SORT1: variants seen among roughly 807,000 people sequenced by gnomAD.
The protein encoded by SORT1 is sortilin 1.
SORT1 carries 39 observed loss-of-function variants against 101.7 expected under a neutral mutation model. The ratio of observed to expected loss-of-function variants is 0.38; its 90% CI spans 0.30 to 0.50. SORT1 has a LOEUF of 0.50. Among genes scored for constraint, SORT1 ranks in the 20% least tolerant of loss-of-function variants. SORT1 has a pLI of 0.90. For synonymous variants in SORT1, 396 were observed against 393.7 expected (o/e 1.01, Z -0.07); for missense variants, 878 against 1,040.4 (o/e 0.84, Z 2.15).
intron 19 of SORT1, 32 bp downstream of exon 19, chr1:109,314,229 G>A (rs1047066045): frequency 2.2e-6 from 3 of 1,393,838 alleles, no homozygotes; most frequent in Non-Finnish European, 3.0e-6. Flanking sequence ...TTGGGGGGGG[G>A]GGTACTACCA....
At chr1:109,322,867 G>A in intron 15 of SORT1, 65 bp downstream of exon 15, 6 of 1,351,830 alleles carry the variant, frequency 4.4e-6, no homozygotes, top group Non-Finnish European at 6.2e-6. Flanking sequence ...AGCCCTATAA[G>A]AAAACTGTCT....
intron 1 of SORT1, among the ~76,000 whole-genome samples, chr1:109,391,351 T>C (rs1652906583): frequency 6.6e-6 from 1 of 152,216 alleles, no homozygotes; most frequent in Non-Finnish European, 1.5e-5. Flanking sequence ...AGTTTGCTTC[T>C]AAATTTGGAA....
At chr1:109,349,911 G>A (rs1649850562) in intron 6 of SORT1, among the ~76,000 whole-genome samples, 2 of 152,192 alleles carry the variant, frequency 1.3e-5, no homozygotes, top group Admixed American at 1.3e-4. Context: ...TTGGGATTGT[G>A]GGTCATCATC....
Position 109,397,869 on chromosome 1 carries a change from C to T in SORT1, c.24G>A (p.Ala8=), listed in dbSNP as rs923463195. The stretch of plus-strand genomic sequence containing the variant: ...CATGGGGCCAGCGCGAGAGGCCGTC[C>T]GCAGCTCCCCAGGGCCGCTCCATCG... MERPWGA[A]DGLSRWPHGL... is the part of the protein sequence containing the mutation. The change falls in exon 1 of 20, where the codon GCG becomes GCA. Residue 8 remains alanine (A), a synonymous_variant. Transcript: ENST00000256637. 23 of 1,268,820 alleles carry T rather than the reference C, an allele frequency of 1.8e-5. 1 individual carries two copies. The highest frequency in any genetic ancestry group is 2.2e-5 in the Non-Finnish European group (22 of 997,568). The allele number at this position is 1,268,820 out of a possible 1,614,324, so 78.6% of individuals were successfully genotyped here.
chr1:109,322,796 T>A, intron 15 of SORT1, 136 bp downstream of exon 15: 1 of 664,230 alleles, frequency 1.5e-6, no homozygotes, highest in South Asian at 2.0e-5. Context: ...TGCCTTGGCA[T>A]CCCAAAGTGC....
intron 3 of SORT1, among the ~76,000 whole-genome samples, chr1:109,356,215 C>A (rs2101607089): frequency 6.6e-6 from 1 of 152,318 alleles, no homozygotes; most frequent in East Asian, 1.9e-4. Context: ...TGAGGTGCTA[C>A]TGGCATTAAG....
intron 17 of SORT1, among the ~76,000 whole-genome samples, 195 bp downstream of exon 17, chr1:109,316,655 T>G (rs1217001385): frequency 1.3e-5 from 2 of 152,234 alleles, no homozygotes; most frequent in Non-Finnish European, 2.9e-5. Flanking sequence ...GAAAAGAGCT[T>G]TCAGTAGGGT....
Position 109,393,039 on chromosome 1 carries a change from G to A in SORT1, c.306+4548C>T, listed in dbSNP as rs188472111. ...TTAAAGGACTGACCTTCAGACTTCC[G>A]GGTGTTACAAAGGTCTGGCGATTCA... On this transcript the variant is annotated intron_variant, in intron 1 of 19. Transcript: ENST00000256637. 172 of 985,366 alleles carry A rather than the reference G, an allele frequency of 1.7e-4. No individual in the cohort carries two copies. In the African/African-American group the frequency reaches 1.9e-3, roughly 11 times the overall value. 61.0% of individuals were successfully genotyped at this position (985,366 alleles called of 1,614,324 possible). A position where few individuals can be genotyped will look rare whatever the true frequency, so the allele number is the denominator to read the frequency against.
intron 2 of SORT1, 107 bp downstream of exon 2, chr1:109,369,423 G>C (rs1459271682): frequency 5.3e-6 from 4 of 749,888 alleles, no homozygotes; most frequent in Non-Finnish European, 7.2e-6. Context: ...CTGTGATTGA[G>C]GCTAAAGACA....
Position 109,312,352 on chromosome 1 carries a change from T to G in SORT1, c.*1691A>C, listed in dbSNP as rs1283949348. 2.0e-5 allele frequency: 3 copies of G among 152,644 alleles called. No individual in the cohort carries two copies. Among genetic ancestry groups the G allele is most frequent in the Non-Finnish European group, 2.9e-5 (2 of 68,038 alleles). The allele number at this position is 152,644 out of a possible 1,614,324, so 9.5% of individuals were successfully genotyped here. On this transcript the variant is annotated 3_prime_UTR_variant, in exon 20 of 20. Transcript: ENST00000256637. The stretch of plus-strand genomic sequence containing the variant: ...AACTGCCTCAACTTTATTTTCTAAC[T>G]GAAGCTCCCTGACTCATTTCATTCT...
intron 3 of SORT1, among the ~76,000 whole-genome samples, chr1:109,358,801 C>T (rs530745823): frequency 2.7e-5 from 4 of 150,416 alleles, no homozygotes; most frequent in Non-Finnish European, 2.9e-5. Flanking sequence ...TGCAGTGAGC[C>T]GAGATCGTGC....
At chr1:109,392,851 A>G (rs1351896705) in intron 1 of SORT1, 7 of 985,208 alleles carry the variant, frequency 7.1e-6, no homozygotes, top group Non-Finnish European at 8.4e-6. Context: ...CAGGACCAAG[A>G]AGGAGATCCT....
Position 109,326,907 on chromosome 1 carries a change from CT to C in SORT1, c.1643+84del, listed in dbSNP as rs1463105063. On this transcript the variant is annotated intron_variant, in intron 13 of 19. Coordinates refer to ENST00000256637, the MANE Select transcript of SORT1 (RefSeq NM_002959.7). ...CAAATGCAAAAATTTGAATTATAGT[CT>C]GTAACATCCCCCCAATAAACTGAAG... 4 of 1,053,944 alleles carry C rather than the reference CT, an allele frequency of 3.8e-6. No individual in the cohort carries two copies. In the African/African-American group the frequency reaches 6.5e-5, roughly 17 times the overall value. The allele number at this position is 1,053,944 out of a possible 1,614,324, so 65.3% of individuals were successfully genotyped here. A position where few individuals can be genotyped will look rare whatever the true frequency, so the allele number is the denominator to read the frequency against.
In SORT1 at chr1:109,392,699, T is replaced by A. The variant is rs969104831; in HGVS notation, c.306+4888A>T. The A allele has an allele frequency of 1.2e-5, 12 of 984,528 alleles. No homozygotes were observed. In the African/African-American group the frequency reaches 2.1e-4, roughly 17 times the overall value. The allele number at this position is 984,528 out of a possible 1,614,324, so 61.0% of individuals were successfully genotyped here. The stretch of plus-strand genomic sequence containing the variant: ...AAGACTAACCTTTCCCCAGATAAAT[T>A]ACACTTCATCAAATCTGCTGATACT... On this transcript the variant is annotated intron_variant, in intron 1 of 19. Transcript: ENST00000256637.
At chr1:109,344,189 C>T (rs1649427153) in intron 8 of SORT1, among the ~76,000 whole-genome samples, 1 of 152,234 alleles carries the variant, frequency 6.6e-6, no homozygotes, top group African/African-American at 2.4e-5. Context: ...CCTGGCCAAG[C>T]TACCACCTCC....
At chr1:109,390,678 A>T (rs1652846009) in intron 1 of SORT1, among the ~76,000 whole-genome samples, 1 of 151,836 alleles carries the variant, frequency 6.6e-6, no homozygotes, top group Admixed American at 6.6e-5. Flanking sequence ...TTCCCAGTTC[A>T]ATTTCTCCTG....
chr1:109,349,312 C>A (rs1649814518), intron 6 of SORT1, among the ~76,000 whole-genome samples: 1 of 151,804 alleles, frequency 6.6e-6, no homozygotes, highest in African/African-American at 2.4e-5. Flanking sequence ...ACCACAGCAC[C>A]CCAGCCTGGG....
intron 17 of SORT1, among the ~76,000 whole-genome samples, chr1:109,315,073 C>T (rs1658950733): frequency 6.6e-6 from 1 of 152,102 alleles, no homozygotes; most frequent in African/African-American, 2.4e-5. Context: ...ATGATTGCTT[C>T]ACACTACCAC....
intron 10 of SORT1, among the ~76,000 whole-genome samples, chr1:109,337,277 G>A (rs546646940): frequency 1.6e-4 from 24 of 151,322 alleles, no homozygotes; most frequent in Middle Eastern, 6.8e-3. Flanking sequence ...ATGGATTTTC[G>A]CTCTTGTTGC....
Sources: allele counts gnomAD v4.1 joint callset (sites outside exome capture counted in the v4.1 genomes callset), GRCh38; gene constraint gnomAD v4.1.1; transcripts MANE v1.5; gene names NCBI Gene and HGNC (gene_info 2026-07-23, HGNC 2026-07-21).